The following RASSF1 variants were observed in gnomAD, a reference collection of about 807,000 sequenced individuals.
RASSF1 encodes the protein ras association domain-containing protein 1.
In RASSF1, 33 loss-of-function variants were observed where a neutral mutation model predicts 34.3. The observed-to-expected ratio is 0.96, with a 90% CI of 0.73 to 1.29. The LOEUF is 1.29. Among genes scored for constraint, RASSF1 ranks in the 50% most tolerant of loss-of-function variants. The pLI, the probability that RASSF1 is intolerant of heterozygous loss-of-function variation, is 0.00. For synonymous variants in RASSF1, 191 were observed against 195.0 expected, an observed-to-expected ratio of 0.98 and a Z score of 0.17; for missense variants, 445 against 471.8, an observed-to-expected ratio of 0.94 and a Z score of 0.53.
intron 1 of RASSF1, 134 bp from the exon 2 acceptor site, chr3:50,338,145 C>T (rs1235134487): frequency 6.8e-7 from 1 of 1,461,738 alleles, no homozygotes; most frequent in Non-Finnish European, 9.0e-7. Context: ...TGGGTTACCT[C>T]ACACTGCTAC....
In RASSF1 at chr3:50,331,671, C is replaced by T; in HGVS notation, c.648G>A (p.Val216=). 4 of 1,613,194 alleles carry T rather than the reference C, an allele frequency of 2.5e-6. No individual in the cohort carries two copies. The highest frequency in any genetic ancestry group is 3.4e-6 in the Non-Finnish European group (4 of 1,179,284). The change falls in exon 4 of 6, where the codon GTG becomes GTA. Residue 216 remains valine, a synonymous_variant. Transcript: ENST00000359365. ...CTTCACGTGCCCTTGTGCGTGACAG[C>T]ACATGCAGGTGCTTGACAGCATCCT... The part of the protein sequence containing the change: ...LPKDAVKHLH[V]LSRTRAREVI...
At chr3:50,334,683 C>A (rs1411610613) in intron 2 of RASSF1, among the ~76,000 whole-genome samples, 1 of 152,192 alleles carries the variant, frequency 6.6e-6, no homozygotes, top group Non-Finnish European at 1.5e-5. Context: ...ACCCAGGAGC[C>A]CTGGGCTGGG....
intron 2 of RASSF1, among the ~76,000 whole-genome samples, chr3:50,333,716 G>A (rs1314124045): frequency 1.3e-5 from 2 of 152,176 alleles, no homozygotes; most frequent in Non-Finnish European, 2.9e-5. Context: ...CTGACCTCAA[G>A]TGATCCGCCT....
At chr3:50,339,575 G>C (rs1214829491) in intron 1 of RASSF1, among the ~76,000 whole-genome samples, 2 of 151,782 alleles carry the variant, frequency 1.3e-5, no homozygotes, top group Admixed American at 6.6e-5. Flanking sequence ...CACCATGTTG[G>C]CCAGGCTGGT....
At position 50,337,076 on chromosome 3, in the gene RASSF1, G is replaced by A. The variant is rs587734980; in HGVS notation, c.357+829C>T. ...GGGGAGCCACGTAGCCAGGAGGGTG[G>A]GGCTGCCCACCGACCCAGGACGCGG... On this transcript the variant is annotated intron_variant, in intron 2 of 5. Transcript: ENST00000359365. 1.9e-4 allele frequency: 263 copies of A among 1,408,162 alleles called. 4 individuals are homozygous for A. The South Asian group carries it at 3.7e-3, about 20-fold the overall frequency. The allele number at this position is 1,408,162 out of a possible 1,614,324, so 87.2% of individuals were successfully genotyped here.
At chr3:50,339,196 C>T (rs1703270836) in intron 1 of RASSF1, among the ~76,000 whole-genome samples, 1 of 152,126 alleles carries the variant, frequency 6.6e-6, no homozygotes, top group African/African-American at 2.4e-5. Flanking sequence ...CTCTTTGCAG[C>T]AAAAATGGCC....
Position 50,330,760 on chromosome 3 carries a change from C to A in RASSF1, c.877-33G>T. On this transcript the variant is annotated intron_variant, in intron 5 of 5. Coordinates refer to ENST00000359365, the MANE Select transcript of RASSF1 (RefSeq NM_007182.5). The surrounding 1 kb of genome is among the most constrained non-coding windows in gnomAD (Gnocchi z 4.5). ...GGGCAAAAGGGGAGTGTACAGGCTG[C>A]AGAAGGGATGGCCAAGCCAGCAGAC... is the stretch of plus-strand genomic sequence containing the variant. The A allele has an allele frequency of 1.2e-6, 2 of 1,606,642 alleles. No homozygotes were observed. The highest frequency in any genetic ancestry group is 2.7e-5 in the African/African-American group (2 of 74,934).
chr3:50,340,655 C>T lies in RASSF1; in HGVS notation c.151G>A (p.Gly51Ser), dbSNP rs767839510. 25 of 1,527,656 alleles carry T rather than the reference C, an allele frequency of 1.6e-5. No homozygotes were observed. The South Asian group carries it at 2.4e-4, about 15-fold the overall frequency. 94.6% of individuals were successfully genotyped at this position (1,527,656 alleles called of 1,614,324 possible). A position where few individuals can be genotyped will look rare whatever the true frequency, so the allele number is the denominator to read the frequency against. Reference protein sequence around the residue: ...NPTRQLVPGRGHRFQPAGPAT... With the variant: ...NPTRQLVPGRSHRFQPAGPAT... ...GGCCCCGCGGGCTGGAAGCGGTGGC[C>T]ACGGCCAGGGACCAGCTGCCGTGTG... is the stretch of plus-strand genomic sequence containing the variant. Residue 51 changes from glycine (G) to serine (S), a missense_variant, in exon 1 of 6, where the codon GGC (glycine) becomes AGC (serine). By Grantham distance (56) the Gly-to-Ser change is moderately conservative. Coordinates refer to ENST00000359365, the MANE Select transcript of RASSF1 (RefSeq NM_007182.5).
intron 1 of RASSF1, among the ~76,000 whole-genome samples, chr3:50,339,577 C>T (rs1044324639): frequency 2.0e-5 from 3 of 151,986 alleles, no homozygotes; most frequent in Non-Finnish European, 4.4e-5. Context: ...CCATGTTGGC[C>T]AGGCTGGTCT....
At chr3:50,337,500 C>G (rs1207054183) in intron 2 of RASSF1, 1 of 1,532,464 alleles carries the variant, frequency 6.5e-7, no homozygotes, top group East Asian at 2.4e-5. Flanking sequence ...GGCAGGAACG[C>G]CGGGGCGGGG....
intron 2 of RASSF1, among the ~76,000 whole-genome samples, chr3:50,332,986 T>C (rs900679307): frequency 6.6e-6 from 1 of 151,414 alleles, no homozygotes; most frequent in Non-Finnish European, 1.5e-5. Context: ...CCCAGCTACT[T>C]AGGAGGCTGA....
chr3:50,340,692 G>T lies in RASSF1; in HGVS notation c.114C>A (p.Thr38=). 1 of 1,531,650 alleles carries T rather than the reference G, an allele frequency of 6.5e-7. No individual in the cohort carries two copies. The highest frequency in any genetic ancestry group is 1.2e-5 in the South Asian group (1 of 83,928). The allele number at this position is 1,531,650 out of a possible 1,614,324, so 94.9% of individuals were successfully genotyped here. ...RANALRIARG[T]ACNPTRQLVP... ...CCAGCTGCCGTGTGGGGTTGCACGC[G>T]GTGCCCCGCGCGATGCGCAGCGCGT... The change falls in exon 1 of 6, where the codon ACC becomes ACA. Residue 38 remains threonine, a synonymous_variant. Coordinates refer to ENST00000359365, the MANE Select transcript of RASSF1 (RefSeq NM_007182.5).
intron 2 of RASSF1, among the ~76,000 whole-genome samples, chr3:50,334,916 G>A (rs941795602): frequency 3.3e-5 from 5 of 152,050 alleles, no homozygotes; most frequent in Non-Finnish European, 7.4e-5. Flanking sequence ...TGCACCATAG[G>A]GACCCACCCT....
At chr3:50,337,067 A>C in intron 2 of RASSF1, 1 of 1,358,358 alleles carries the variant, frequency 7.4e-7, no homozygotes, top group Non-Finnish European at 9.7e-7. Context: ...CCACGTAGCC[A>C]GGAGGGTGGG....
rs1553718090 is a variant in RASSF1 at position 50,330,295 on chromosome 3, A to C, written c.*286T>G. The C allele has an allele frequency of 2.8e-6, 1 of 361,962 alleles. No homozygotes were observed. Among genetic ancestry groups the C allele is most frequent in the Non-Finnish European group, 5.1e-6 (1 of 197,662 alleles). The allele number at this position is 361,962 out of a possible 1,614,324, so 22.4% of individuals were successfully genotyped here. On this transcript the variant is annotated 3_prime_UTR_variant, in exon 6 of 6. Coordinates refer to ENST00000359365, the MANE Select transcript of RASSF1 (RefSeq NM_007182.5). This position sits in a 1 kb window ranked among gnomAD's most constrained non-coding sequence, Gnocchi z 4.5. ...TTCACTTCTGAGACAAAAATTGAGG[A>C]GACTTCTGTCTGCACCACTCCTGCT...
At chr3:50,336,668 C>G (rs1703149817) in intron 2 of RASSF1, 1 of 156,610 alleles carries the variant, frequency 6.4e-6, no homozygotes, top group Non-Finnish European at 1.4e-5. Context: ...CAGGCCAGAA[C>G]AGGGAAGAGG....
At chr3:50,338,143 C>T in intron 1 of RASSF1, 132 bp from the exon 2 acceptor site, 1 of 1,463,698 alleles carries the variant, frequency 6.8e-7, no homozygotes. Flanking sequence ...AGTGGGTTAC[C>T]TCACACTGCT....
chr3:50,335,313 C>CTTTTT (rs906428880), intron 2 of RASSF1, among the ~76,000 whole-genome samples: 175 of 107,924 alleles, frequency 1.6e-3, no homozygotes, highest in Middle Eastern at 5.5e-3. Flanking sequence ...CCTATTCTTT[C>CTTTTT]TTTTTTTTTT....
chr3:50,339,156 T>G (rs1037099753), intron 1 of RASSF1, among the ~76,000 whole-genome samples: 1 of 152,198 alleles, frequency 6.6e-6, no homozygotes, highest in African/African-American at 2.4e-5. Context: ...TCCCTTTTCT[T>G]CAGCCTCACT....
Sources: gnomAD v4.1 joint callset for allele counts (sites outside exome capture counted in the v4.1 genomes callset) on GRCh38, gnomAD v4.1.1 for gene constraint, Gnocchi (gnomAD v3.1) non-coding constraint, MANE v1.5 for transcripts, NCBI Gene and HGNC (gene_info 2026-07-23, HGNC 2026-07-21) for gene names.